Variants in KCNMB2 observed in about 807,000 individuals in gnomAD.
KCNMB2 encodes the protein calcium-activated potassium channel subunit beta-2.
Under a neutral mutation model 24.5 loss-of-function variants are expected in KCNMB2, and 9 were observed. That is an observed-to-expected ratio of 0.37 (90% CI 0.22 to 0.64). The LOEUF (loss-of-function observed/expected upper bound fraction) is 0.64. Ranked by LOEUF, KCNMB2 falls within the 30% of genes least tolerant of loss-of-function variation. KCNMB2 has a pLI of 0.63. For synonymous variants in KCNMB2, 109 were observed against 104.4 expected, an observed-to-expected ratio of 1.04 and a Z score of -0.27; for missense variants, 226 against 284.3, an observed-to-expected ratio of 0.79 and a Z score of 1.47.
chr3:178,750,995 AC>A (rs1463865423), intron 1 of KCNMB2, among the ~76,000 whole-genome samples: 1 of 152,176 alleles, frequency 6.6e-6, no homozygotes, highest in Non-Finnish European at 1.5e-5. Flanking sequence ...ATATTAAAAA[AC>A]ATTCTCAGAT....
chr3:178,656,055 C>T (rs1466774906), intron 1 of KCNMB2, among the ~76,000 whole-genome samples: 1 of 152,088 alleles, frequency 6.6e-6, no homozygotes, highest in Non-Finnish European at 1.5e-5. Context: ...AAAGTGGCAA[C>T]AATTGTCTCA....
intron 1 of KCNMB2, among the ~76,000 whole-genome samples, chr3:178,767,946 T>C (rs1712190373): frequency 6.6e-6 from 1 of 152,176 alleles, no homozygotes; most frequent in South Asian, 2.1e-4. Context: ...CTTTCTTCTT[T>C]GATCTGATCA....
intron 1 of KCNMB2, among the ~76,000 whole-genome samples, chr3:178,781,860 T>C (rs1382206514): frequency 1.8e-4 from 27 of 150,148 alleles, no homozygotes; most frequent in Non-Finnish European, 4.4e-5. Context: ...TACATATGTA[T>C]ACATGTGCCA....
chr3:178,667,964 T>C (rs4129413), intron 1 of KCNMB2, among the ~76,000 whole-genome samples: 109,248 of 152,068 alleles, frequency 0.72, 39,768 homozygotes, highest in African/African-American at 0.86. Context: ...CTTGCCCCCA[T>C]GAGTTTTTAA....
At chr3:178,809,179 CT>C (rs1434777925) in intron 2 of KCNMB2, among the ~76,000 whole-genome samples, 1 of 152,162 alleles carries the variant, frequency 6.6e-6, no homozygotes, top group African/African-American at 2.4e-5. Flanking sequence ...AGGTTTGGTC[CT>C]GCAACTTTCA....
rs566483851 is a variant in KCNMB2, at chr3:178,576,998, G to A, written c.-68+40287G>A. Among the ~76,000 whole-genome samples the A allele has an allele frequency of 2.6e-5, 4 of 152,250 alleles. No individual in the cohort carries two copies. The East Asian group carries it at 7.7e-4, about 29-fold the overall frequency. The stretch of plus-strand genomic sequence containing the variant: ...AGCTCAGTGCTCGAGCTCTGCTAAG[G>A]GACAGACTGCCTCCTCAAGTGGGTC... On this transcript the variant is annotated intron_variant, in intron 1 of 4. Transcript: ENST00000452583.
chr3:178,556,782 G>A (rs1027588425), intron 1 of KCNMB2, among the ~76,000 whole-genome samples: 1 of 152,214 alleles, frequency 6.6e-6, no homozygotes, highest in African/African-American at 2.4e-5. Context: ...GCCAAAGGAA[G>A]AGCGAATTTT....
At chr3:178,616,243 C>G (rs6786279) in intron 1 of KCNMB2, among the ~76,000 whole-genome samples, 1 of 152,042 alleles carries the variant, frequency 6.6e-6, no homozygotes, top group African/African-American at 2.4e-5. Flanking sequence ...TTAGGACTCA[C>G]GTAAGAGTTG....
At chr3:178,714,032 G>A (rs889828939) in intron 1 of KCNMB2, among the ~76,000 whole-genome samples, 1 of 152,194 alleles carries the variant, frequency 6.6e-6, no homozygotes, top group East Asian at 1.9e-4. Flanking sequence ...TCTGTTGCCT[G>A]TGAAAAACAA....
chr3:178,634,931 C>G (rs1333765144), intron 1 of KCNMB2, among the ~76,000 whole-genome samples: 1 of 152,062 alleles, frequency 6.6e-6, no homozygotes, highest in African/African-American at 2.4e-5. Context: ...GAGATAGAGG[C>G]AACATGGGGT....
intron 1 of KCNMB2, among the ~76,000 whole-genome samples, chr3:178,681,978 T>C (rs375387551): frequency 6.6e-5 from 10 of 152,230 alleles, no homozygotes; most frequent in African/African-American, 2.2e-4. Context: ...GGTCCTAAGG[T>C]TTGTTTAAAT....
intron 1 of KCNMB2, among the ~76,000 whole-genome samples, chr3:178,713,610 G>T (rs562450546): frequency 1.3e-5 from 2 of 152,102 alleles, no homozygotes; most frequent in African/African-American, 4.8e-5. Context: ...CTGCCAGCCT[G>T]CCCCCTACCT....
chr3:178,757,768 A>C (rs1375294537), intron 1 of KCNMB2, among the ~76,000 whole-genome samples: 1 of 118,258 alleles, frequency 8.5e-6, no homozygotes, highest in Non-Finnish European at 1.8e-5. Context: ...ATATATATAT[A>C]TCCAAGAGGA....
At position 178,787,838 on chromosome 3, in the gene KCNMB2, G is replaced by A. The variant is rs764265378; in HGVS notation, c.-67-19505G>A. ...AAAAATTCAAAACCAATGAGAGAAC[G>A]TTGGTTTTGAAGTTGGACAGGCTTG... On this transcript the variant is annotated intron_variant, in intron 1 of 4. Transcript: ENST00000452583. Among the ~76,000 whole-genome samples the A allele has an allele frequency of 4.6e-5, 7 of 152,230 alleles. 1 individual carries two copies. Among genetic ancestry groups the A allele is most frequent in the South Asian group, 2.1e-4 (1 of 4,816 alleles).
intron 1 of KCNMB2, among the ~76,000 whole-genome samples, chr3:178,659,525 C>A (rs1395726925): frequency 5.9e-5 from 9 of 152,126 alleles, no homozygotes; most frequent in African/African-American, 2.2e-4. Flanking sequence ...GGTACAATTA[C>A]CTCTGTTTAC....
chr3:178,698,425 G>A (rs1577106676), intron 1 of KCNMB2, among the ~76,000 whole-genome samples: 1 of 152,150 alleles, frequency 6.6e-6, no homozygotes. Context: ...ATGAATACTT[G>A]TGATTGCATT....
intron 1 of KCNMB2, among the ~76,000 whole-genome samples, chr3:178,741,960 G>A (rs1723508995): frequency 6.6e-6 from 1 of 152,146 alleles, no homozygotes. Flanking sequence ...TTATTATGTG[G>A]AAGAATAAAC....
chr3:178,830,764 C>G (rs1715023944), intron 4 of KCNMB2, among the ~76,000 whole-genome samples: 1 of 151,904 alleles, frequency 6.6e-6, no homozygotes, highest in Non-Finnish European at 1.5e-5. Context: ...AGTTGTTTGC[C>G]CATTTTTCTG....
intron 1 of KCNMB2, among the ~76,000 whole-genome samples, chr3:178,656,233 T>C (rs1236592722): frequency 2.0e-5 from 3 of 152,174 alleles, no homozygotes; most frequent in Admixed American, 1.3e-4. Context: ...GCAAATAGAA[T>C]TATTTCTGAC....
Sources: gnomAD v4.1 joint callset for allele counts (sites outside exome capture counted in the v4.1 genomes callset) on GRCh38, gnomAD v4.1.1 for gene constraint, MANE v1.5 for transcripts, NCBI Gene and HGNC (gene_info 2026-07-23, HGNC 2026-07-21) for gene names.